The following CRLS1 variants were observed in gnomAD, a reference collection of about 807,000 sequenced individuals.
CRLS1 encodes the protein cardiolipin synthase (CMP-forming).
Under a neutral mutation model 37.0 loss-of-function variants are expected in CRLS1, and 24 were observed. That is an observed-to-expected ratio of 0.65 (90% CI 0.47 to 0.91). The LOEUF (loss-of-function observed/expected upper bound fraction) is 0.91, where lower values mean the gene tolerates loss of function less well. Ranked by LOEUF, CRLS1 falls within the 40% of genes least tolerant of loss-of-function variation. The pLI is 0.00. For missense variants in CRLS1, 373 were observed against 395.8 expected, an observed-to-expected ratio of 0.94 and a Z score of 0.49; for synonymous variants, 135 against 159.7, an observed-to-expected ratio of 0.85 and a Z score of 1.17.
intron 3 of CRLS1, among the ~76,000 whole-genome samples, chr20:6,021,655 T>G (rs6117037): frequency 0.08 from 12,163 of 152,220 alleles, 754 homozygotes; most frequent in African/African-American, 0.17. Context: ...TAAAACCCAT[T>G]TTGTCTTAAC....
rs1980849668 is a variant in CRLS1 at position 6,039,754 on chromosome 20, A to AC, written c.*2596_*2597insC. The AC allele has an allele frequency of 6.6e-6, 1 of 151,920 alleles. No individual in the cohort carries two copies. The highest frequency in any genetic ancestry group is 1.5e-5 in the Non-Finnish European group (1 of 67,978). The allele number at this position is 151,920 out of a possible 1,614,324, so 9.4% of individuals were successfully genotyped here. A position where few individuals can be genotyped will look rare whatever the true frequency, so the allele number is the denominator to read the frequency against. On this transcript the variant is annotated 3_prime_UTR_variant, in exon 7 of 7. Transcript: ENST00000378863. Reference sequence around the variant, plus strand: ...CTAGGTTTTTTTGTTAAAAAAAAAAAAAAAGGAAATGTGAACAGAGAGAGA... The same window carrying AC: ...CTAGGTTTTTTTGTTAAAAAAAAAAACAAAAGGAAATGTGAACAGAGAGAGA...
intron 3 of CRLS1, among the ~76,000 whole-genome samples, chr20:6,019,207 C>T (rs1020920032): frequency 1.4e-4 from 22 of 152,050 alleles, no homozygotes; most frequent in Non-Finnish European, 3.1e-4. Context: ...TTAATTGTTA[C>T]GGGATGATTC....
rs11087707 is a variant in CRLS1 at position 6,029,358 on chromosome 20, C to CT, written c.575-1905dup. ...TTTTAATTTGCATGGATTTGCTGCT[C>CT]TTTTTTTTTTTTTTTTTTTTTTAAA... On this transcript the variant is annotated intron_variant, in intron 3 of 6. Coordinates refer to ENST00000378863, the MANE Select transcript of CRLS1 (RefSeq NM_019095.6). Among the ~76,000 whole-genome samples, 364 of 127,566 alleles carry CT rather than the reference C, an allele frequency of 2.9e-3. 1 individual carries two copies. The highest frequency in any genetic ancestry group is 0.012 in the East Asian group (52 of 4,204). 83.7% of individuals were successfully genotyped at this position (127,566 alleles called of 152,430 possible). A position where few individuals can be genotyped will look rare whatever the true frequency, so the allele number is the denominator to read the frequency against.
intron 6 of CRLS1, among the ~76,000 whole-genome samples, chr20:6,035,533 G>C (rs2123033474): frequency 7.7e-6 from 1 of 129,288 alleles, no homozygotes; most frequent in East Asian, 2.5e-4. Context: ...CATGAAGAGA[G>C]AGACAGTATT....
At chr20:6,033,184 C>T (rs1000352425) in intron 5 of CRLS1, among the ~76,000 whole-genome samples, 1 of 151,440 alleles carries the variant, frequency 6.6e-6, no homozygotes, top group African/African-American at 2.4e-5. Context: ...GGCTGGAGTG[C>T]AATGACGCGA....
At chr20:6,025,784 G>A (rs964794045) in intron 3 of CRLS1, among the ~76,000 whole-genome samples, 18 of 152,172 alleles carry the variant, frequency 1.2e-4, no homozygotes, top group Admixed American at 7.9e-4. Context: ...TGATTTGAGG[G>A]GTTCAAGACT....
chr20:6,031,217 T>C lies in CRLS1; in HGVS notation c.575-68T>C, dbSNP rs527298007. 92 of 978,194 alleles carry C rather than the reference T, an allele frequency of 9.4e-5. 2 individuals are homozygous for C. In the African/African-American group the frequency reaches 1.1e-3, roughly 12 times the overall value. The allele number at this position is 978,194 out of a possible 1,614,324, so 60.6% of individuals were successfully genotyped here. On this transcript the variant is annotated intron_variant, in intron 3 of 6. Coordinates refer to ENST00000378863, the MANE Select transcript of CRLS1 (RefSeq NM_019095.6). Reference sequence around the variant, plus strand: ...TGTGGTAAGGCTGAATGACATATTATTGTATTCATAATGCATATTAGTACT... The same window carrying C: ...TGTGGTAAGGCTGAATGACATATTACTGTATTCATAATGCATATTAGTACT...
chr20:6,024,336 A>G (rs1332634053), intron 3 of CRLS1, among the ~76,000 whole-genome samples: 3 of 152,212 alleles, frequency 2.0e-5, no homozygotes, highest in Admixed American at 6.5e-5. Context: ...GTGATCAGCG[A>G]ACTCTGATGT....
At chr20:6,014,205 C>CT (rs1978562802) in intron 2 of CRLS1, among the ~76,000 whole-genome samples, 1 of 152,188 alleles carries the variant, frequency 6.6e-6, no homozygotes, top group South Asian at 2.1e-4. Flanking sequence ...TAATTTATCT[C>CT]TGTTTTACAG....
At chr20:6,009,716 G>C in intron 1 of CRLS1, 59 bp from the exon 2 acceptor site, 1 of 1,429,352 alleles carries the variant, frequency 7.0e-7, no homozygotes, top group Non-Finnish European at 9.7e-7. Flanking sequence ...TATGTATATA[G>C]TTATTCAAAG....
rs58014205 is a variant in CRLS1 at position 6,031,297 on chromosome 20, A to G, written c.587A>G (p.Tyr196Cys). Residue 196 changes from tyrosine (Y) to cysteine (C), a missense_variant, in exon 4 of 7, where the codon TAC becomes TGC. By Grantham distance (194) the Tyr-to-Cys change is radical (BLOSUM62 -2). Coordinates refer to ENST00000378863, the MANE Select transcript of CRLS1 (RefSeq NM_019095.6). ...YADLIPVPLT[Y>C]MIISRDVMLI... ...GTTTGATTTTCAGTTCCACTTACTT[A>G]CATGATCATTTCGAGAGATGTAATG... The G allele has an allele frequency of 8.3e-4, 1,326 of 1,606,298 alleles. 10 individuals are homozygous for G. In the African/African-American group the frequency reaches 0.013, roughly 16 times the overall value.
At chr20:6,029,857 A>G (rs1458353726) in intron 3 of CRLS1, among the ~76,000 whole-genome samples, 3 of 150,666 alleles carry the variant, frequency 2.0e-5, no homozygotes, top group Non-Finnish European at 4.4e-5. Context: ...AGTATTATCC[A>G]TCAAGGACTA....
Position 6,006,496 on chromosome 20 carries a change from G to A in CRLS1, c.250G>A (p.Gly84Ser). ...KAAPRPAAGA[G>S]AAAEAPGGQW... Reference sequence around the variant, plus strand: ...GGCTCCCAGGCCAGCGGCCGGAGCGGGCGCCGCTGCCGAAGCCCCGGGCGG... The same window carrying A: ...GGCTCCCAGGCCAGCGGCCGGAGCGAGCGCCGCTGCCGAAGCCCCGGGCGG... Residue 84 changes from glycine to serine, a missense_variant, in exon 1 of 7, where the codon GGC becomes AGC. By Grantham distance (56) the Gly-to-Ser change is moderately conservative. Coordinates refer to ENST00000378863, the MANE Select transcript of CRLS1 (RefSeq NM_019095.6). 1.5e-6 allele frequency: 2 copies of A among 1,362,004 alleles called. No individual in the cohort carries two copies. Among genetic ancestry groups the A allele is most frequent in the Non-Finnish European group, 1.9e-6 (2 of 1,063,440 alleles). The allele number at this position is 1,362,004 out of a possible 1,614,324, so 84.4% of individuals were successfully genotyped here. A position where few individuals can be genotyped will look rare whatever the true frequency, so the allele number is the denominator to read the frequency against.
At chr20:6,012,030 G>A (rs1460702226) in intron 2 of CRLS1, among the ~76,000 whole-genome samples, 2 of 147,708 alleles carry the variant, frequency 1.4e-5, no homozygotes, top group African/African-American at 2.5e-5. Context: ...TGTCTGCTAC[G>A]TTTTTTTTTT....
Position 6,037,247 on chromosome 20 carries a change from G to A in CRLS1, c.*89G>A. 2 of 865,102 alleles carry A rather than the reference G, an allele frequency of 2.3e-6. No homozygotes were observed. Among genetic ancestry groups the A allele is most frequent in the Non-Finnish European group, 3.4e-6 (2 of 586,454 alleles). The allele number at this position is 865,102 out of a possible 1,614,324, so 53.6% of individuals were successfully genotyped here. A position where few individuals can be genotyped will look rare whatever the true frequency, so the allele number is the denominator to read the frequency against. ...AATGTACAGGAGTTTCCCTATTTTG[G>A]TGTTCAGCTTGAAAAAGGACTTGTC... On this transcript the variant is annotated 3_prime_UTR_variant, in exon 7 of 7. Coordinates refer to ENST00000378863, the MANE Select transcript of CRLS1 (RefSeq NM_019095.6).
chr20:6,034,615 C>T, intron 6 of CRLS1, 60 bp downstream of exon 6: 2 of 1,180,670 alleles, frequency 1.7e-6, no homozygotes, highest in Non-Finnish European at 2.5e-6. Context: ...TGGTGATAGC[C>T]CTAGAATGAC....
chr20:6,015,477 A>G lies in CRLS1; in HGVS notation c.561A>G (p.Ala187=). The G allele has an allele frequency of 6.2e-7, 1 of 1,613,444 alleles. No homozygotes were observed. The highest frequency in any genetic ancestry group is 1.1e-5 in the South Asian group (1 of 91,064). ...ISILYVSLTY[A]DLIPVPLTYM... is the part of the protein sequence containing the mutation. The stretch of plus-strand genomic sequence containing the variant: ...TCTTATATGTTAGCTTGACCTATGC[A>G]GATCTTATTCCAGGTAAGAACGCGT... The change falls in exon 3 of 7, where the codon GCA becomes GCG. Residue 187 remains alanine (A), a synonymous_variant. Coordinates refer to ENST00000378863, the MANE Select transcript of CRLS1 (RefSeq NM_019095.6).
intron 5 of CRLS1, among the ~76,000 whole-genome samples, chr20:6,033,041 C>T (rs911874848): frequency 6.6e-6 from 1 of 151,600 alleles, no homozygotes; most frequent in Admixed American, 6.6e-5. Context: ...GCCTTAAACC[C>T]TTATAGGAAG....
intron 3 of CRLS1, among the ~76,000 whole-genome samples, chr20:6,029,048 G>A (rs1409886972): frequency 6.6e-6 from 1 of 152,194 alleles, no homozygotes; most frequent in Non-Finnish European, 1.5e-5. Context: ...GCTGTGCATA[G>A]GAGTCACCCA....
Sources: allele counts gnomAD v4.1 joint callset (sites outside exome capture counted in the v4.1 genomes callset), GRCh38; gene constraint gnomAD v4.1.1; transcripts MANE v1.5; gene names NCBI Gene and HGNC (gene_info 2026-07-23, HGNC 2026-07-21).